The following MYRF variants were observed in gnomAD, a reference collection of about 807,000 sequenced individuals.
MYRF encodes myelin gene regulatory factor.
Under a neutral mutation model 126.3 loss-of-function variants are expected in MYRF, and 16 were observed. The observed-to-expected ratio is 0.13, with a 90% CI of 0.09 to 0.19. MYRF has a LOEUF of 0.19. Among genes scored for constraint, MYRF ranks in the 10% least tolerant of loss-of-function variants. The pLI is 1.00. For synonymous variants in MYRF, 608 were observed against 635.3 expected, an observed-to-expected ratio of 0.96 and a Z score of 0.65; for missense variants, 1,104 against 1,547.0, an observed-to-expected ratio of 0.71 and a Z score of 4.80.
rs1337409247 is a variant in MYRF at position 61,783,793 on chromosome 11, G to C, written c.3120-58G>C. On this transcript the variant is annotated intron_variant, in intron 23 of 26. Coordinates refer to ENST00000278836, the MANE Select transcript of MYRF (RefSeq NM_001127392.3). The surrounding 1 kb of genome is among the most constrained non-coding windows in gnomAD (Gnocchi z 4.6). Reference sequence around the variant, plus strand: ...CAGATTGGGGGCTGAGGAGTCCCTGGTGGGGGTGGGGGGTGGCAGGGTACC... The same window carrying C: ...CAGATTGGGGGCTGAGGAGTCCCTGCTGGGGGTGGGGGGTGGCAGGGTACC... 1.3e-6 allele frequency: 2 copies of C among 1,526,274 alleles called. No individual in the cohort carries two copies. Among genetic ancestry groups the C allele is most frequent in the East Asian group, 2.4e-5 (1 of 41,646 alleles). 94.5% of individuals were successfully genotyped at this position (1,526,274 alleles called of 1,614,324 possible). A position where few individuals can be genotyped will look rare whatever the true frequency, so the allele number is the denominator to read the frequency against.
intron 1 of MYRF, among the ~76,000 whole-genome samples, chr11:61,761,071 C>T (rs1361435104): frequency 2.0e-5 from 3 of 152,136 alleles, no homozygotes; most frequent in Non-Finnish European, 2.9e-5. Flanking sequence ...CCTCGGGCCC[C>T]GGCCCACCCT....
Position 61,776,233 on chromosome 11 carries a change from A to T in MYRF, c.1389-89A>T. The stretch of plus-strand genomic sequence containing the variant: ...GGGAGGTACCCAGGGTGTCCGCCTC[A>T]TGTACGTTGCTGGCCTGGGTGCCCC... On this transcript the variant is annotated intron_variant, in intron 9 of 26. Coordinates refer to ENST00000278836, the MANE Select transcript of MYRF (RefSeq NM_001127392.3). The surrounding 1 kb of genome is among the most constrained non-coding windows in gnomAD (Gnocchi z 4.3). 2 of 1,565,260 alleles carry T rather than the reference A, an allele frequency of 1.3e-6. No individual in the cohort carries two copies. Among genetic ancestry groups the T allele is most frequent in the South Asian group, 2.2e-5 (2 of 89,244 alleles).
Position 61,765,731 on chromosome 11 carries a change from C to T in MYRF, c.134+19C>T, listed in dbSNP as rs1244048688. On this transcript the variant is annotated intron_variant, in intron 2 of 26. Transcript: ENST00000278836. ...CCGACCTGTGAGTGGCCCCCTCGCC[C>T]GGCCTGCACCCGCCCAGCCCCAGCC... 15 of 1,601,142 alleles carry T rather than the reference C, an allele frequency of 9.4e-6. No homozygotes were observed. The highest frequency in any genetic ancestry group is 1.2e-5 in the Non-Finnish European group (14 of 1,172,700).
In MYRF at chr11:61,781,423, T is replaced by C. The variant is rs2066543645; in HGVS notation, c.2764+94T>C. The C allele has an allele frequency of 6.4e-6, 10 of 1,551,682 alleles. No homozygotes were observed. In the South Asian group the frequency reaches 1.1e-4, roughly 17 times the overall value. ...ATTGGTGGGAGGGTCTCCTGGAGCC[T>C]AGAACGAGGCTCTGGACAATGACTG... On this transcript the variant is annotated intron_variant, in intron 21 of 26. Coordinates refer to ENST00000278836, the MANE Select transcript of MYRF (RefSeq NM_001127392.3).
intron 5 of MYRF, 133 bp from the exon 6 acceptor site, chr11:61,771,367 C>CCT: frequency 8.0e-7 from 1 of 1,252,930 alleles, no homozygotes; most frequent in South Asian, 1.5e-5. Context: ...CTGAGGGCTT[C>CCT]CTGAAGGAGG....
At chr11:61,771,999 G>C (rs750634499) in intron 7 of MYRF, 47 bp downstream of exon 7, 1 of 1,608,268 alleles carries the variant, frequency 6.2e-7, no homozygotes, top group South Asian at 1.1e-5. Context: ...CCCCCACCTT[G>C]GGACGCCCCA....
rs556480556 is a variant in MYRF at position 61,777,258 on chromosome 11, C to G, written c.1591-6C>G. 1.2e-5 allele frequency: 20 copies of G among 1,610,644 alleles called. No homozygotes were observed. The Admixed American group carries it at 2.7e-4, about 21-fold the overall frequency. ...CCAGGACTGATCCAGCCCCAACTCG[C>G]GGTAGGCCTCCAACCCAGGCCAGTT... is the stretch of plus-strand genomic sequence containing the variant. On this transcript the variant is annotated splice_polypyrimidine_tract_variant and splice_region_variant and intron_variant, in intron 11 of 26. Transcript: ENST00000278836. This position sits in a 1 kb window ranked among gnomAD's most constrained non-coding sequence, Gnocchi z 8.8.
intron 1 of MYRF, among the ~76,000 whole-genome samples, chr11:61,753,479 G>T (rs548078936): frequency 8.5e-5 from 13 of 152,148 alleles, no homozygotes; most frequent in Admixed American, 7.9e-4. Flanking sequence ...CTCTCCTGGG[G>T]CTGGAACCTT....
chr11:61,759,407 T>C (rs2065845991), intron 1 of MYRF, among the ~76,000 whole-genome samples: 1 of 152,168 alleles, frequency 6.6e-6, no homozygotes, highest in African/African-American at 2.4e-5. Flanking sequence ...CAGTGGCTCA[T>C]GCCTGTAATC....
At chr11:61,770,785 G>A (rs1287644085) in intron 5 of MYRF, among the ~76,000 whole-genome samples, 1 of 152,136 alleles carries the variant, frequency 6.6e-6, no homozygotes, top group African/African-American at 2.4e-5. Context: ...TCTGATGGGG[G>A]AAATGTCCCG....
chr11:61,769,592 G>A (rs1428772851), intron 4 of MYRF, among the ~76,000 whole-genome samples: 1 of 152,184 alleles, frequency 6.6e-6, no homozygotes, highest in Non-Finnish European at 1.5e-5. Context: ...TAAGTGGGTG[G>A]CTGGGGAAGG....
At chr11:61,753,216 G>A (rs1565273762) in intron 1 of MYRF, among the ~76,000 whole-genome samples, 2 of 151,818 alleles carry the variant, frequency 1.3e-5, no homozygotes, top group Admixed American at 6.6e-5. Flanking sequence ...AGGACCTTCC[G>A]TACCTCTTGA....
intron 1 of MYRF, among the ~76,000 whole-genome samples, chr11:61,763,863 T>G (rs2065971988): frequency 6.6e-6 from 1 of 150,942 alleles, no homozygotes; most frequent in Non-Finnish European, 1.5e-5. Context: ...AGACTCAGTC[T>G]CAAAAAAAAA....
Position 61,770,348 on chromosome 11 carries a change from C to T in MYRF, c.563C>T (p.Pro188Leu). ...CCACCTCCAGCCCACTTGCCAGGCC[C>T]CCCGCCACCCCCACCACCCCCACCT... ...PPPPPAHLPG[P>L]PPPPPPPPHY... Residue 188 changes from proline (P) to leucine (L), a missense_variant, in exon 5 of 27, where the codon CCC becomes CTC. Physicochemically the swap from Pro to Leu is moderately conservative, Grantham distance 98. Transcript: ENST00000278836. 7.0e-7 allele frequency: 1 copy of T among 1,424,250 alleles called. No individual in the cohort carries two copies. Among genetic ancestry groups the T allele is most frequent in the Non-Finnish European group, 9.7e-7 (1 of 1,035,870 alleles). 88.2% of individuals were successfully genotyped at this position (1,424,250 alleles called of 1,614,324 possible).
rs567821807 is a variant in MYRF at position 61,774,562 on chromosome 11, C to T, written c.1311+400C>T. Among the ~76,000 whole-genome samples, 826 of 150,642 alleles carry T rather than the reference C, an allele frequency of 5.5e-3. 4 individuals are homozygous for T. The highest frequency in any genetic ancestry group is 0.019 in the African/African-American group (773 of 41,090). ...AAAAAAAAAAGCAAGCATCTGTGTG[C>T]GTGTGTGTGTGTATGTGTGTGTAAA... On this transcript the variant is annotated intron_variant, in intron 8 of 26. Transcript: ENST00000278836.
At chr11:61,771,417 G>C in intron 5 of MYRF, 83 bp from the exon 6 acceptor site, 12 of 1,533,532 alleles carry the variant, frequency 7.8e-6, no homozygotes, top group Non-Finnish European at 1.1e-5. Flanking sequence ...AAACAGGCTA[G>C]AGAGGGGAGA....
At position 61,778,790 on chromosome 11, in the gene MYRF, C is replaced by G; in HGVS notation, c.2013+301C>G. The stretch of plus-strand genomic sequence containing the variant: ...GCGGTAATAGAACTGCACAGACATC[C>G]TCGTATGGTTACCTCCAGGCTGAAA... On this transcript the variant is annotated intron_variant, in intron 14 of 26. Coordinates refer to ENST00000278836, the MANE Select transcript of MYRF (RefSeq NM_001127392.3). This position sits in a 1 kb window ranked among gnomAD's most constrained non-coding sequence, Gnocchi z 4.6. The G allele has an allele frequency of 3.4e-6, 2 of 583,968 alleles. No individual in the cohort carries two copies. The highest frequency in any genetic ancestry group is 6.5e-6 in the Non-Finnish European group (2 of 309,614). 36.2% of individuals were successfully genotyped at this position (583,968 alleles called of 1,614,324 possible).
In MYRF at chr11:61,783,556, G is replaced by A. The variant is rs747890090; in HGVS notation, c.3075G>A (p.Ser1025=). 71 of 1,613,650 alleles carry A rather than the reference G, an allele frequency of 4.4e-5. No homozygotes were observed. In the Admixed American group the frequency reaches 8.0e-4, roughly 18 times the overall value. The change falls in exon 23 of 27, where the codon TCG becomes TCA. Residue 1025 remains serine (S), a synonymous_variant. Coordinates refer to ENST00000278836, the MANE Select transcript of MYRF (RefSeq NM_001127392.3). The surrounding 1 kb of genome is among the most constrained non-coding windows in gnomAD (Gnocchi z 4.6). ...CCTCCATCCAGGTGCTGGAGAATTC[G>A]ATGTCCATCACCTCCCAGTACTGTG... is the stretch of plus-strand genomic sequence containing the variant. ...SLTSIQVLEN[S]MSITSQYCAP... is the part of the protein sequence containing the mutation.
chr11:61,755,443 G>A (rs772724412), intron 1 of MYRF: 1 of 1,610,328 alleles, frequency 6.2e-7, no homozygotes, highest in Non-Finnish European at 8.5e-7. Flanking sequence ...CTTCCAGCAG[G>A]TAACCGGGCC....
Sources: allele counts gnomAD v4.1 joint callset (sites outside exome capture counted in the v4.1 genomes callset), GRCh38; gene constraint gnomAD v4.1.1; non-coding constraint Gnocchi (gnomAD v3.1); transcripts MANE v1.5; gene names NCBI Gene and HGNC (gene_info 2026-07-23, HGNC 2026-07-21).